ANKRD44: variants seen among roughly 807,000 people sequenced by gnomAD.
ANKRD44 encodes the protein serine/threonine-protein phosphatase 6 regulatory ankyrin repeat subunit B.
In ANKRD44, 35 loss-of-function variants were observed where a neutral mutation model predicts 116.0. The ratio of observed to expected loss-of-function variants is 0.30; its 90% CI spans 0.23 to 0.40. ANKRD44 has a LOEUF of 0.40. ANKRD44 is among the 10% of genes least tolerant of loss of function. ANKRD44 has a pLI of 1.00. For missense variants in ANKRD44, 1,014 were observed against 1,242.6 expected (o/e 0.82, Z 2.77); for synonymous variants, 435 against 461.8 (o/e 0.94, Z 0.74).
chr2:196,983,409 A>G (rs892045042), downstream of ANKRD44, among the ~76,000 whole-genome samples: 6 of 152,136 alleles, frequency 3.9e-5, no homozygotes, highest in Admixed American at 3.3e-4. Context: ...CTGTTCCTAG[A>G]ACATAACAAA....
chr2:197,156,747 G>A (rs778390953), intron 2 of ANKRD44, among the ~76,000 whole-genome samples: 1 of 152,078 alleles, frequency 6.6e-6, no homozygotes, highest in Non-Finnish European at 1.5e-5. Flanking sequence ...CCACATAATG[G>A]AACACTACTC....
intron 4 of ANKRD44, chr2:197,135,649 A>T (rs969934875): frequency 6.6e-6 from 1 of 152,202 alleles, no homozygotes; most frequent in African/African-American, 2.4e-5. Flanking sequence ...CAGGCTTGGG[A>T]TACATCCAGG....
intron 16 of ANKRD44, among the ~76,000 whole-genome samples, chr2:197,025,864 T>C (rs1473026490): frequency 3.3e-5 from 5 of 152,070 alleles, no homozygotes; most frequent in East Asian, 1.9e-4. Context: ...GTCAATGATA[T>C]GCATCAAGAG....
rs186823611 is a variant in ANKRD44 at position 197,082,214 on chromosome 2, C to T, written c.1458-489G>A. On this transcript the variant is annotated intron_variant, in intron 14 of 27. Coordinates refer to ENST00000282272, the MANE Select transcript of ANKRD44 (RefSeq NM_001195144.2). ...ATTGTTTCCCCATCCTTTTCACCAC[C>T]CCCAATCTATTCCAATGAATTGCCT... Among the ~76,000 whole-genome samples, 688 of 152,294 alleles carry T rather than the reference C, an allele frequency of 4.5e-3. 2 individuals carry two copies. The highest frequency in any genetic ancestry group is 7.8e-3 in the Non-Finnish European group (530 of 68,022).
chr2:197,077,584 C>G (rs1361156861), intron 16 of ANKRD44, among the ~76,000 whole-genome samples: 1 of 152,090 alleles, frequency 6.6e-6, no homozygotes, highest in East Asian at 1.9e-4. Flanking sequence ...GAACTACACC[C>G]CAGAGGAATT....
At chr2:197,254,634 T>C (rs867436309) in intron 1 of ANKRD44, among the ~76,000 whole-genome samples, 9 of 127,884 alleles carry the variant, frequency 7.0e-5, no homozygotes, top group East Asian at 2.3e-4. Context: ...CACACACATA[T>C]ATATATTTGC....
intron 21 of ANKRD44, among the ~76,000 whole-genome samples, chr2:196,977,357 C>T (rs2075767951): frequency 6.6e-6 from 1 of 152,046 alleles, no homozygotes. Context: ...CTAGATATGA[C>T]ACCAAAAATA....
In ANKRD44 at chr2:197,144,639, A is replaced by G. The variant is rs533633092; in HGVS notation, c.190+2388T>C. Among the ~76,000 whole-genome samples, 121 of 152,350 alleles carry G rather than the reference A, an allele frequency of 7.9e-4. 1 individual carries two copies. The South Asian group carries it at 8.9e-3, about 11-fold the overall frequency. ...GAGGAAATTTTCCATAGCACATTGAACCAAAATTATGCTAAAGAGATTAAG... is the reference window on the plus strand; with the variant it reads ...GAGGAAATTTTCCATAGCACATTGAGCCAAAATTATGCTAAAGAGATTAAG... On this transcript the variant is annotated intron_variant, in intron 3 of 27. Coordinates refer to ENST00000282272, the MANE Select transcript of ANKRD44 (RefSeq NM_001195144.2).
At chr2:197,112,015 C>G (rs1414339447) in intron 8 of ANKRD44, among the ~76,000 whole-genome samples, 2 of 152,018 alleles carry the variant, frequency 1.3e-5, no homozygotes. Flanking sequence ...CAGCTATATA[C>G]CAATCATCAT....
At chr2:197,173,755 G>C (rs573257421) in intron 2 of ANKRD44, among the ~76,000 whole-genome samples, 1 of 152,050 alleles carries the variant, frequency 6.6e-6, no homozygotes, top group Non-Finnish European at 1.5e-5. Flanking sequence ...CTTACAGCCC[G>C]GGTGTGGTGG....
intron 1 of ANKRD44, among the ~76,000 whole-genome samples, chr2:197,275,428 CAAAAAA>C (rs527811437): frequency 3.1e-5 from 3 of 97,280 alleles, no homozygotes; most frequent in African/African-American, 1.1e-4. Context: ...CCAGTCTCTT[CAAAAAA>C]AAAAAAAAAA....
intron 9 of ANKRD44, among the ~76,000 whole-genome samples, chr2:197,106,793 T>TAC (rs2078439850): frequency 1.3e-5 from 1 of 77,598 alleles, no homozygotes; most frequent in Non-Finnish European, 2.6e-5. Context: ...CCGTCTCAAA[T>TAC]ATATATATAT....
chr2:197,268,938 T>C (rs569060953), intron 1 of ANKRD44, among the ~76,000 whole-genome samples: 25 of 152,226 alleles, frequency 1.6e-4, no homozygotes, highest in Non-Finnish European at 3.2e-4. Context: ...TCAGCGTTCT[T>C]AAATCAGGAT....
At chr2:197,240,960 G>T (rs1458336314) in intron 1 of ANKRD44, among the ~76,000 whole-genome samples, 2 of 151,838 alleles carry the variant, frequency 1.3e-5, no homozygotes, top group Admixed American at 1.3e-4. Context: ...CAAAGTCTCA[G>T]AAGCATCTTA....
At chr2:197,223,667 A>C (rs79548072) in intron 1 of ANKRD44, among the ~76,000 whole-genome samples, 5,037 of 152,308 alleles carry the variant, frequency 0.033, 106 homozygotes, top group South Asian at 0.073. Context: ...ACCAGAAGGG[A>C]AATCACAACC....
intron 24 of ANKRD44, among the ~76,000 whole-genome samples, chr2:196,998,667 C>T (rs2076058519): frequency 6.6e-6 from 1 of 152,040 alleles, no homozygotes; most frequent in East Asian, 1.9e-4. Flanking sequence ...TGTTGTTACA[C>T]TTGGTTTCTA....
At chr2:197,200,758 A>G (rs894458019) in intron 1 of ANKRD44, among the ~76,000 whole-genome samples, 1 of 152,214 alleles carries the variant, frequency 6.6e-6, no homozygotes, top group African/African-American at 2.4e-5. Context: ...GAAAGCAATA[A>G]TGAAGTGACT....
chr2:197,106,412 T>C (rs1433823247), intron 9 of ANKRD44, among the ~76,000 whole-genome samples: 1 of 151,962 alleles, frequency 6.6e-6, no homozygotes, highest in East Asian at 1.9e-4. Flanking sequence ...ACCACTGCAG[T>C]CCAGCCTGGG....
At chr2:196,984,815 G>T (rs1057021331), downstream of ANKRD44, among the ~76,000 whole-genome samples, 1 of 152,208 alleles carries the variant, frequency 6.6e-6, no homozygotes, top group Admixed American at 6.5e-5. Flanking sequence ...TGATGTTACA[G>T]CCTCAAAGGA....
Sources: gnomAD v4.1 joint callset for allele counts (sites outside exome capture counted in the v4.1 genomes callset) on GRCh38, gnomAD v4.1.1 for gene constraint, MANE v1.5 for transcripts, NCBI Gene and HGNC (gene_info 2026-07-23, HGNC 2026-07-21) for gene names.